Variants in MTHFD1 observed in about 807,000 individuals in gnomAD.
The protein encoded by MTHFD1 is methylenetetrahydrofolate dehydrogenase, cyclohydrolase and formyltetrahydrofolate synthetase 1, also known as C-1-tetrahydrofolate synthase, cytoplasmic.
Under a neutral mutation model 110.3 loss-of-function variants are expected in MTHFD1, and 44 were observed. That is an observed-to-expected ratio of 0.40 (90% CI 0.31 to 0.51). MTHFD1 has a LOEUF of 0.51. Ranked by LOEUF, MTHFD1 falls within the 20% of genes least tolerant of loss-of-function variation. The probability of loss-of-function intolerance (pLI) is 0.60; values close to 1 mark genes in which losing one functional copy is unlikely to be tolerated. For synonymous variants in MTHFD1, 402 were observed against 428.8 expected, an observed-to-expected ratio of 0.94 and a Z score of 0.77; for missense variants, 909 against 1,173.1, an observed-to-expected ratio of 0.77 and a Z score of 3.29.
At chr14:64,431,490 C>G in intron 13 of MTHFD1, 42 bp from the exon 14 acceptor site, 1 of 1,507,852 alleles carries the variant, frequency 6.6e-7, no homozygotes, top group Non-Finnish European at 9.2e-7. Context: ...TGGAAAGATA[C>G]AGAGCAGCTG....
intron 1 of MTHFD1, among the ~76,000 whole-genome samples, chr14:64,397,849 A>G (rs991065016): frequency 6.6e-6 from 1 of 152,196 alleles, no homozygotes; most frequent in Admixed American, 6.5e-5. Context: ...ATCCATAATA[A>G]GAGTTAAAGG....
intron 6 of MTHFD1, among the ~76,000 whole-genome samples, chr14:64,416,429 C>G (rs923540179): frequency 1.3e-5 from 2 of 152,016 alleles, no homozygotes; most frequent in African/African-American, 2.4e-5. Flanking sequence ...AGCCCCACCT[C>G]CCCCCACCCC....
At chr14:64,433,713 C>CTTTTTTTT (rs1270622250) in intron 15 of MTHFD1, among the ~76,000 whole-genome samples, 2 of 133,256 alleles carry the variant, frequency 1.5e-5, no homozygotes, top group Non-Finnish European at 3.2e-5. Flanking sequence ...CTGAGCTCAG[C>CTTTTTTTT]ATTTTTTTTT....
intron 23 of MTHFD1, among the ~76,000 whole-genome samples, chr14:64,448,849 G>C (rs537149012): frequency 5.3e-5 from 8 of 151,942 alleles, no homozygotes; most frequent in Admixed American, 5.2e-4. Flanking sequence ...GCCCAGGCTG[G>C]AGTGCAGTGG....
intron 2 of MTHFD1, among the ~76,000 whole-genome samples, chr14:64,408,582 C>T (rs913167007): frequency 5.9e-5 from 9 of 152,186 alleles, no homozygotes; most frequent in Non-Finnish European, 1.0e-4. Flanking sequence ...AGCCACCATG[C>T]CCGGCCAGAA....
chr14:64,394,649 G>T (rs1348737184), intron 1 of MTHFD1, among the ~76,000 whole-genome samples: 1 of 151,974 alleles, frequency 6.6e-6, no homozygotes, highest in Admixed American at 6.6e-5. Flanking sequence ...TTCTGTGAAA[G>T]GTTTTGCCAG....
chr14:64,396,374 A>G (rs2077848808), intron 1 of MTHFD1, among the ~76,000 whole-genome samples: 1 of 145,080 alleles, frequency 6.9e-6, no homozygotes, highest in Non-Finnish European at 1.5e-5. Flanking sequence ...TTAAGTTTTT[A>G]AAAATTTTTT....
At chr14:64,392,559 G>C (rs933399701) in intron 1 of MTHFD1, among the ~76,000 whole-genome samples, 1 of 152,174 alleles carries the variant, frequency 6.6e-6, no homozygotes. Flanking sequence ...AGTAGGTGCT[G>C]CGAGTGTTTG....
chr14:64,392,452 A>G (rs1167020735), intron 1 of MTHFD1, among the ~76,000 whole-genome samples: 1 of 152,132 alleles, frequency 6.6e-6, no homozygotes, highest in Non-Finnish European at 1.5e-5. Flanking sequence ...TCCTTCCCTT[A>G]GTTTGCTATA....
intron 16 of MTHFD1, among the ~76,000 whole-genome samples, chr14:64,438,511 G>A (rs1414044915): frequency 6.6e-6 from 1 of 152,182 alleles, no homozygotes; most frequent in Non-Finnish European, 1.5e-5. Context: ...AGTTAGTCCT[G>A]GGAGGTCGTT....
chr14:64,417,620 T>A lies in MTHFD1; in HGVS notation c.479-268T>A, dbSNP rs960160282. On this transcript the variant is annotated intron_variant, in intron 6 of 27. Coordinates refer to ENST00000652337, the MANE Select transcript of MTHFD1 (RefSeq NM_005956.4). This position sits in a 1 kb window ranked among gnomAD's most constrained non-coding sequence, Gnocchi z 4.4. Reference sequence around the variant, plus strand: ...TTCTTTTTTCTTTGAGTGTAGGTTTTCTTCCCACTCCCCTATGACTCAATG... The same window carrying A: ...TTCTTTTTTCTTTGAGTGTAGGTTTACTTCCCACTCCCCTATGACTCAATG... Among the ~76,000 whole-genome samples, 3 of 152,226 alleles carry A rather than the reference T, an allele frequency of 2.0e-5. No homozygotes were observed. The highest frequency in any genetic ancestry group is 4.4e-5 in the Non-Finnish European group (3 of 68,036).
rs1327246514 is a variant in MTHFD1, at chr14:64,430,207, T to C, written c.1288T>C (p.Ser430Pro). Residue 430 changes from serine to proline, a missense_variant, in exon 13 of 28, where the codon TCC becomes CCC. Coordinates refer to ENST00000652337, the MANE Select transcript of MTHFD1 (RefSeq NM_005956.4). ...AGGTGGCGCTGCAGGAGGCGGCTAC[T>C]CCCAGGTCATTCCTATGGAAGAGGT... Reference protein sequence around the residue: ...IKGGAAGGGYSQVIPMEEFNL... With the variant: ...IKGGAAGGGYPQVIPMEEFNL... 6.2e-7 allele frequency: 1 copy of C among 1,613,590 alleles called. No homozygotes were observed. Among genetic ancestry groups the C allele is most frequent in the Non-Finnish European group, 8.5e-7 (1 of 1,180,008 alleles).
chr14:64,410,015 T>C (rs554241422), intron 2 of MTHFD1, among the ~76,000 whole-genome samples: 42 of 152,332 alleles, frequency 2.8e-4, no homozygotes, highest in African/African-American at 9.9e-4. Flanking sequence ...ACACAACTTA[T>C]GGTAGCATGT....
At chr14:64,448,475 C>T (rs759368067) in intron 23 of MTHFD1, 158 bp downstream of exon 23, 25 of 678,812 alleles carry the variant, frequency 3.7e-5, no homozygotes, top group South Asian at 2.0e-4. Flanking sequence ...TACGTCACTG[C>T]GGGCTCACCA....
chr14:64,413,158 C>T (rs2077997839), intron 4 of MTHFD1, among the ~76,000 whole-genome samples: 1 of 151,526 alleles, frequency 6.6e-6, no homozygotes. Context: ...TCGAGACCAG[C>T]CTGGCCAACA....
At chr14:64,410,246 TC>T (rs2077972029) in intron 2 of MTHFD1, among the ~76,000 whole-genome samples, 1 of 152,064 alleles carries the variant, frequency 6.6e-6, no homozygotes, top group South Asian at 2.1e-4. Context: ...AGACAAGGTC[TC>T]TCTCTGTTGC....
At chr14:64,421,790 ATT>A (rs992391203) in intron 8 of MTHFD1, among the ~76,000 whole-genome samples, 5 of 151,226 alleles carry the variant, frequency 3.3e-5, no homozygotes, top group Admixed American at 6.6e-5. Flanking sequence ...CGCCCGGCTA[ATT>A]TTTTTTGTAT....
intron 27 of MTHFD1, chr14:64,458,619 C>T (rs2078512569): frequency 4.9e-6 from 2 of 411,438 alleles, no homozygotes; most frequent in South Asian, 4.4e-5. Context: ...TCTGCTGAAG[C>T]CCCAGGAGGC....
At chr14:64,454,005 G>C in intron 25 of MTHFD1, 144 bp downstream of exon 25, 1 of 694,638 alleles carries the variant, frequency 1.4e-6, no homozygotes, top group Non-Finnish European at 2.7e-6. Context: ...TACTGAGTTT[G>C]GATTAGGTGG....
Sources: allele counts gnomAD v4.1 joint callset (sites outside exome capture counted in the v4.1 genomes callset), GRCh38; gene constraint gnomAD v4.1.1; non-coding constraint Gnocchi (gnomAD v3.1); transcripts MANE v1.5; gene names NCBI Gene and HGNC (gene_info 2026-07-23, HGNC 2026-07-21).